The following CTIF variants were observed in gnomAD, a reference collection of about 807,000 sequenced individuals.
CTIF encodes the protein CBP80/20-dependent translation initiation factor.
CTIF carries 21 observed loss-of-function variants against 66.0 expected under a neutral mutation model. That is an observed-to-expected ratio of 0.32 (90% confidence interval 0.23 to 0.46). The LOEUF (loss-of-function observed/expected upper bound fraction) is 0.46, where lower values mean the gene tolerates loss of function less well. Ranked by LOEUF, CTIF falls within the 20% of genes least tolerant of loss-of-function variation. CTIF has a pLI of 1.00. For missense variants in CTIF, 739 were observed against 812.7 expected (o/e 0.91, Z 1.10); for synonymous variants, 345 against 326.4 (o/e 1.06, Z -0.62).
chr18:48,749,031 T>G (rs568195272), intron 7 of CTIF, among the ~76,000 whole-genome samples: 136 of 152,358 alleles, frequency 8.9e-4, no homozygotes, highest in Admixed American at 1.6e-3. Flanking sequence ...GCTCCATGAT[T>G]GGTCGCACCT....
At chr18:48,612,586 G>A (rs962200460) in intron 1 of CTIF, among the ~76,000 whole-genome samples, 19 of 152,206 alleles carry the variant, frequency 1.2e-4, no homozygotes, top group African/African-American at 4.1e-4. Context: ...CATGGGAAGC[G>A]GCCACAGGAA....
At chr18:48,567,031 T>C (rs1194615287) in intron 1 of CTIF, 1 of 152,198 alleles carries the variant, frequency 6.6e-6, no homozygotes, top group African/African-American at 2.4e-5. Flanking sequence ...TCACCAGATA[T>C]TTTTCAGCAA....
intron 9 of CTIF, among the ~76,000 whole-genome samples, chr18:48,813,896 T>G (rs1413485915): frequency 6.6e-6 from 1 of 152,174 alleles, no homozygotes; most frequent in African/African-American, 2.4e-5. Context: ...AGGCCTGGAA[T>G]AAGGGTGGTG....
At chr18:48,808,848 A>G (rs949907940) in intron 9 of CTIF, among the ~76,000 whole-genome samples, 3 of 152,094 alleles carry the variant, frequency 2.0e-5, no homozygotes, top group East Asian at 3.8e-4. Context: ...GTTTTTAGTT[A>G]TTTCCCTTGC....
chr18:48,827,355 C>T (rs1011322045), intron 10 of CTIF, among the ~76,000 whole-genome samples: 3 of 152,104 alleles, frequency 2.0e-5, no homozygotes, highest in Admixed American at 6.6e-5. Context: ...GAGGAGCCCA[C>T]GGGTAACTCA....
At chr18:48,815,598 T>C (rs553097144) in intron 9 of CTIF, among the ~76,000 whole-genome samples, 1 of 152,362 alleles carries the variant, frequency 6.6e-6, no homozygotes, top group African/African-American at 2.4e-5. Context: ...AGCTGTGGCC[T>C]AGGCTCATCC....
chr18:48,630,299 G>C lies in CTIF; in HGVS notation c.181-6315G>C, dbSNP rs528205288. ...CTTGGAATGGATCCCTCAGGGTTGG[G>C]GGGGTGGGCGACTGTGCATGTTGCA... is the stretch of plus-strand genomic sequence containing the variant. On this transcript the variant is annotated intron_variant, in intron 2 of 11. Transcript: ENST00000256413. Among the ~76,000 whole-genome samples the C allele has an allele frequency of 7.2e-5, 11 of 152,292 alleles. No homozygotes were observed. In the South Asian group the frequency reaches 1.4e-3, roughly 20 times the overall value.
intron 9 of CTIF, among the ~76,000 whole-genome samples, chr18:48,771,826 C>A (rs376878737): frequency 6.6e-6 from 1 of 152,240 alleles, no homozygotes; most frequent in African/African-American, 2.4e-5. Context: ...CCAGCCGCCG[C>A]GGGGAATCTG....
chr18:48,557,196 A>G (rs1232978507), intron 1 of CTIF, among the ~76,000 whole-genome samples: 2 of 152,166 alleles, frequency 1.3e-5, no homozygotes, highest in African/African-American at 4.8e-5. Flanking sequence ...AGAGAACTGC[A>G]GAAACAGTAC....
intron 2 of CTIF, among the ~76,000 whole-genome samples, chr18:48,626,656 G>T (rs3102104): frequency 0.1 from 10,676 of 107,144 alleles, 502 homozygotes; most frequent in African/African-American, 0.13. Context: ...TTTTTTTTTT[G>T]TTTTTTTTTT....
At chr18:48,741,117 G>A (rs1448979830) in intron 7 of CTIF, among the ~76,000 whole-genome samples, 4 of 152,202 alleles carry the variant, frequency 2.6e-5, no homozygotes, top group Admixed American at 6.5e-5. Flanking sequence ...CACCATGCAC[G>A]TCATTCATTA....
At chr18:48,678,667 G>A (rs1375090238) in intron 6 of CTIF, among the ~76,000 whole-genome samples, 2 of 151,668 alleles carry the variant, frequency 1.3e-5, no homozygotes, top group Non-Finnish European at 2.9e-5. Flanking sequence ...AAAGTTCCTC[G>A]GGAAGAGGCC....
At chr18:48,797,941 T>C (rs2067964279) in intron 9 of CTIF, among the ~76,000 whole-genome samples, 1 of 152,086 alleles carries the variant, frequency 6.6e-6, no homozygotes. Context: ...GCAAAGCCAG[T>C]AGCAGGTGGA....
chr18:48,747,854 G>A (rs1907390572), intron 7 of CTIF, among the ~76,000 whole-genome samples: 2 of 151,638 alleles, frequency 1.3e-5, no homozygotes, highest in African/African-American at 4.9e-5. Context: ...GGAGGTCAAG[G>A]TTGCATGAAC....
intron 3 of CTIF, 31 bp downstream of exon 3, chr18:48,636,716 G>T (rs765380448): frequency 1.3e-6 from 2 of 1,523,406 alleles, no homozygotes; most frequent in African/African-American, 1.4e-5. Context: ...TCTGTCTGGG[G>T]GTGTCCTATG....
chr18:48,819,599 C>T (rs1048554699), intron 10 of CTIF, among the ~76,000 whole-genome samples: 1 of 152,198 alleles, frequency 6.6e-6, no homozygotes, highest in African/African-American at 2.4e-5. Flanking sequence ...GAGATGTGTG[C>T]AGACAAGAAC....
At chr18:48,565,601 C>T (rs993232803) in intron 1 of CTIF, 54 of 152,192 alleles carry the variant, frequency 3.5e-4, no homozygotes, top group African/African-American at 1.3e-3. Flanking sequence ...AGGGGCAGGG[C>T]CTCTGTGCTT....
At chr18:48,812,970 A>G (rs1235161533) in intron 9 of CTIF, among the ~76,000 whole-genome samples, 2 of 151,594 alleles carry the variant, frequency 1.3e-5, no homozygotes, top group Non-Finnish European at 1.5e-5. Context: ...TTCACAGACT[A>G]GATGTCCACT....
At chr18:48,569,312 GAA>G (rs1336970593) in intron 1 of CTIF, among the ~76,000 whole-genome samples, 1 of 152,138 alleles carries the variant, frequency 6.6e-6, no homozygotes, top group Non-Finnish European at 1.5e-5. Context: ...GAAAAGGAGA[GAA>G]CTGGAAAATT....
Sources: gnomAD v4.1 joint callset for allele counts (sites outside exome capture counted in the v4.1 genomes callset) on GRCh38, gnomAD v4.1.1 for gene constraint, MANE v1.5 for transcripts, NCBI Gene and HGNC (gene_info 2026-07-23, HGNC 2026-07-21) for gene names.